The following CPSF7 variants were observed in gnomAD, a reference collection of about 807,000 sequenced individuals.
CPSF7 encodes cleavage and polyadenylation specificity factor subunit 7.
In CPSF7, 1 loss-of-function variant was observed where a neutral mutation model predicts 44.3. The observed-to-expected ratio is 0.02, with a 90% confidence interval of 0.01 to 0.11. The LOEUF is 0.11. Among genes scored for constraint, CPSF7 ranks in the 10% least tolerant of loss-of-function variants. The pLI is 1.00. For synonymous variants in CPSF7, 202 were observed against 222.0 expected (o/e 0.91, Z 0.80); for missense variants, 443 against 607.2 (o/e 0.73, Z 2.84).
intron 2 of CPSF7, among the ~76,000 whole-genome samples, chr11:61,427,721 A>ACAGTTAAC (rs1262430357): frequency 6.6e-6 from 1 of 152,112 alleles, no homozygotes; most frequent in African/African-American, 2.4e-5. Flanking sequence ...TTAAAGGACC[A>ACAGTTAAC]CAGTTAACCA....
At chr11:61,414,288 C>T (rs1180142891) in intron 7 of CPSF7, among the ~76,000 whole-genome samples, 2 of 151,862 alleles carry the variant, frequency 1.3e-5, no homozygotes. Context: ...TCCCAAGTAG[C>T]TGGGTCTATA....
At chr11:61,412,353 G>C (rs574128365) in intron 7 of CPSF7, among the ~76,000 whole-genome samples, 22 of 150,444 alleles carry the variant, frequency 1.5e-4, no homozygotes, top group African/African-American at 5.1e-4. Flanking sequence ...CAGTGGCCGT[G>C]ATCTCGGCTC....
chr11:61,419,500 AG>A (rs890473448), intron 5 of CPSF7, among the ~76,000 whole-genome samples: 1 of 152,206 alleles, frequency 6.6e-6, no homozygotes, highest in African/African-American at 2.4e-5. Flanking sequence ...AAAAGATTAT[AG>A]GCACCTTTTA....
At chr11:61,413,934 G>A (rs1210680822) in intron 7 of CPSF7, among the ~76,000 whole-genome samples, 1 of 152,110 alleles carries the variant, frequency 6.6e-6, no homozygotes, top group Admixed American at 6.6e-5. Flanking sequence ...TCCTGGCAGG[G>A]AATTTTTGCC....
chr11:61,428,233 G>C (rs964419837), intron 2 of CPSF7, among the ~76,000 whole-genome samples: 8 of 152,222 alleles, frequency 5.3e-5, no homozygotes, highest in African/African-American at 1.9e-4. Context: ...CCAGGATAGA[G>C]TGCAGCGGCC....
At chr11:61,410,846 T>G in intron 9 of CPSF7, 92 bp downstream of exon 9, 16 of 1,328,478 alleles carry the variant, frequency 1.2e-5, no homozygotes, top group East Asian at 4.8e-5. Context: ...CCTTGCTGCA[T>G]TTACTTTTGC....
intron 5 of CPSF7, among the ~76,000 whole-genome samples, chr11:61,419,147 C>T (rs539370129): frequency 1.2e-4 from 18 of 152,194 alleles, no homozygotes; most frequent in African/African-American, 4.1e-4. Context: ...CTCAGTCTCC[C>T]GTGTAGCTGG....
At position 61,404,986 on chromosome 11, in the gene CPSF7, G is replaced by A. The variant is rs545224040; in HGVS notation, c.*6-282C>T. The stretch of plus-strand genomic sequence containing the variant: ...ACAGAACAAAATGAGGTCTCTGAAC[G>A]TTCGACTGAAAAGGAGACTTTGGCT... On this transcript the variant is annotated intron_variant, in intron 9 of 9. Transcript: ENST00000439958. Among the ~76,000 whole-genome samples the A allele has an allele frequency of 5.1e-4, 77 of 152,260 alleles. 1 individual carries two copies. Among genetic ancestry groups the A allele is most frequent in the African/African-American group, 1.7e-3 (71 of 41,570 alleles).
rs756603085 is a variant in CPSF7 at position 61,421,417 on chromosome 11, A to G, written c.246T>C (p.Ala82=). The change falls in exon 3 of 10, where the codon GCT becomes GCC. Residue 82 remains alanine, a synonymous_variant. Coordinates refer to ENST00000439958, the MANE Select transcript of CPSF7 (RefSeq NM_001142565.3). ...AGGAGAAGCTGCCCACATAAACGGC[A>G]GCTCGTCTATTACGCAGGCCACTGT... ...YTYSGLRNRR[A]AVYVGSFSWW... is the part of the protein sequence containing the mutation. 6 of 1,614,184 alleles carry G rather than the reference A, an allele frequency of 3.7e-6. No individual in the cohort carries two copies. In the South Asian group the frequency reaches 5.5e-5, roughly 15 times the overall value.
chr11:61,412,674 A>T (rs1004933663), intron 7 of CPSF7, among the ~76,000 whole-genome samples: 1 of 152,248 alleles, frequency 6.6e-6, no homozygotes, highest in Non-Finnish European at 1.5e-5. Flanking sequence ...TTAATGTACT[A>T]TTAACAATTA....
rs566662683 is a variant in CPSF7 at position 61,419,787 on chromosome 11, G to A, written c.523+162C>T. On this transcript the variant is annotated intron_variant, in intron 5 of 9. Coordinates refer to ENST00000439958, the MANE Select transcript of CPSF7 (RefSeq NM_001142565.3). ...TTCTTCTATATAGACCTATTCTGAG[G>A]ACTACTTGTCGACCATGACACCACT... 3.5e-5 allele frequency: 28 copies of A among 794,462 alleles called. No individual in the cohort carries two copies. In the South Asian group the frequency reaches 4.3e-4, roughly 12 times the overall value. The allele number at this position is 794,462 out of a possible 1,614,324, so 49.2% of individuals were successfully genotyped here.
rs1311363401 is a variant in CPSF7, at chr11:61,403,060, G to A, written c.*1650C>T. ...CCAGTTGGGTGGGGTGCCATGTTCT[G>A]AAGTGGAGGTGGGGATGGGGTTGGG... On this transcript the variant is annotated 3_prime_UTR_variant, in exon 10 of 10. Transcript: ENST00000439958. 2 of 151,042 alleles carry A rather than the reference G, an allele frequency of 1.3e-5. No homozygotes were observed. Among genetic ancestry groups the A allele is most frequent in the African/African-American group, 2.4e-5 (1 of 41,158 alleles). The allele number at this position is 151,042 out of a possible 1,614,324, so 9.4% of individuals were successfully genotyped here.
At chr11:61,422,627 A>T (rs1260519572) in intron 2 of CPSF7, among the ~76,000 whole-genome samples, 2 of 152,148 alleles carry the variant, frequency 1.3e-5, no homozygotes, top group Non-Finnish European at 2.9e-5. Flanking sequence ...ATATTCAATG[A>T]TATACAAAAA....
intron 9 of CPSF7, among the ~76,000 whole-genome samples, chr11:61,409,948 C>T (rs57991692): frequency 0.025 from 3,735 of 151,890 alleles, 164 homozygotes; most frequent in African/African-American, 0.086. Flanking sequence ...CCAGCGTGGG[C>T]GGCAAAGTGA....
chr11:61,427,204 A>G (rs1861451641), intron 2 of CPSF7: 1 of 151,440 alleles, frequency 6.6e-6, no homozygotes, highest in Non-Finnish European at 1.5e-5. Context: ...TTGAGAGACC[A>G]GCCTAGGCAA....
intron 7 of CPSF7, among the ~76,000 whole-genome samples, chr11:61,413,758 T>C (rs1176363485): frequency 1.3e-5 from 2 of 152,134 alleles, no homozygotes; most frequent in African/African-American, 4.8e-5. Context: ...TTTTCCAAGC[T>C]AAGTCAAGAG....
chr11:61,414,091 G>T (rs1860092275), intron 7 of CPSF7, among the ~76,000 whole-genome samples: 1 of 151,236 alleles, frequency 6.6e-6, no homozygotes, highest in African/African-American at 2.4e-5. Flanking sequence ...ATACTGTTCT[G>T]TGTATTTAAC....
chr11:61,427,778 T>C (rs1040059407), intron 2 of CPSF7, among the ~76,000 whole-genome samples: 2 of 152,234 alleles, frequency 1.3e-5, no homozygotes, highest in Non-Finnish European at 2.9e-5. Flanking sequence ...TTGGTGAAGC[T>C]GTATAATGGG....
chr11:61,426,003 C>A (rs1009159424), intron 2 of CPSF7, among the ~76,000 whole-genome samples: 1 of 152,248 alleles, frequency 6.6e-6, no homozygotes, highest in Non-Finnish European at 1.5e-5. Context: ...AGCAACTGAT[C>A]TCAGTCACCT....
Sources: gnomAD v4.1 joint callset for allele counts (sites outside exome capture counted in the v4.1 genomes callset) on GRCh38, gnomAD v4.1.1 for gene constraint, MANE v1.5 for transcripts, NCBI Gene and HGNC (gene_info 2026-07-23, HGNC 2026-07-21) for gene names.